Variants in PLEKHH1 observed in about 807,000 individuals in gnomAD.
PLEKHH1 encodes pleckstrin homology, MyTH4 and FERM domain containing H1.
A neutral mutation model predicts 160.0 loss-of-function variants in PLEKHH1; 104 were observed. That is an observed-to-expected ratio of 0.65 (90% CI 0.55 to 0.76). The LOEUF is 0.76. Among genes scored for constraint, PLEKHH1 ranks in the 30% least tolerant of loss-of-function variants. PLEKHH1 has a pLI of 0.00. For missense variants in PLEKHH1, 1,427 were observed against 1,724.1 expected, an observed-to-expected ratio of 0.83 and a Z score of 3.05; for synonymous variants, 619 against 678.4, an observed-to-expected ratio of 0.91 and a Z score of 1.36.
chr14:67,574,213 G>T lies in PLEKHH1; in HGVS notation c.1927-29G>T. On this transcript the variant is annotated intron_variant, in intron 13 of 28. Transcript: ENST00000329153. This position sits in a 1 kb window ranked among gnomAD's most constrained non-coding sequence, Gnocchi z 4.2. ...GGTTACTCCATTCTCCCAGCGTGCT[G>T]CCCCACCCCCATATCTCGCCCTCCA... is the stretch of plus-strand genomic sequence containing the variant. The T allele has an allele frequency of 6.4e-7, 1 of 1,556,858 alleles. No individual in the cohort carries two copies.
At chr14:67,568,011 G>A (rs2035188463) in intron 7 of PLEKHH1, among the ~76,000 whole-genome samples, 1 of 152,168 alleles carries the variant, frequency 6.6e-6, no homozygotes, top group Non-Finnish European at 1.5e-5. Context: ...CCTCAGGACG[G>A]GCATTCTCCC....
rs1222215796 is a variant in PLEKHH1 at position 67,575,386 on chromosome 14, T to G, written c.2089-6T>G. 4 of 1,584,346 alleles carry G rather than the reference T, an allele frequency of 2.5e-6. No homozygotes were observed. Among genetic ancestry groups the G allele is most frequent in the Non-Finnish European group, 3.5e-6 (4 of 1,157,508 alleles). The stretch of plus-strand genomic sequence containing the variant: ...CTCATAATGCCAGTTCATTTCTGTC[T>G]TACAGGTAAAGCATGGCCACTCCAA... On this transcript the variant is annotated splice_region_variant and splice_polypyrimidine_tract_variant and intron_variant, in intron 14 of 28. Transcript: ENST00000329153.
rs1300959878 is a variant in PLEKHH1, at chr14:67,587,161, C to G, written c.4021C>G (p.Gln1341Glu). The G allele has an allele frequency of 6.8e-6, 11 of 1,613,846 alleles. No individual in the cohort carries two copies. The highest frequency in any genetic ancestry group is 8.5e-6 in the Non-Finnish European group (10 of 1,179,878). Reference sequence around the variant, plus strand: ...CCCCACCAACCCACCCGGAGCCTGCCAGCTGTGGGAACTGGATGGACGACA... The same window carrying G: ...CCCCACCAACCCACCCGGAGCCTGCGAGCTGTGGGAACTGGATGGACGACA... ...NPPTNPPGAC[Q>E]LWELDGRQFF... Residue 1341 changes from glutamine (Q) to glutamate (E), a missense_variant, in exon 29 of 29, where the codon CAG becomes GAG. Transcript: ENST00000329153.
At chr14:67,563,490 A>G (rs958558561) in intron 7 of PLEKHH1, among the ~76,000 whole-genome samples, 10 of 151,066 alleles carry the variant, frequency 6.6e-5, no homozygotes, top group Non-Finnish European at 1.3e-4. Flanking sequence ...CTGGAGTGCA[A>G]TAGCATGATC....
chr14:67,587,217 G>A lies in PLEKHH1; in HGVS notation c.4077G>A (p.Lys1359=). 1 of 1,613,856 alleles carries A rather than the reference G, an allele frequency of 6.2e-7. No individual in the cohort carries two copies. The highest frequency in any genetic ancestry group is 8.5e-7 in the Non-Finnish European group (1 of 1,179,826). Residue 1359 remains lysine (K), a synonymous_variant, in exon 29 of 29, where the codon AAG becomes AAA. Transcript: ENST00000329153. ...TTTCTTCTGTTTCCTGTGCTACCAA[G>A]GGGCCAACGTTGCTGTGAATATTTC... ...QFFSSVSCAT[K]GPTLL
intron 28 of PLEKHH1, chr14:67,586,500 T>C: frequency 1.0e-6 from 1 of 977,126 alleles, no homozygotes; most frequent in East Asian, 5.9e-5. Context: ...CAACATTAGC[T>C]ACAAAGTGGG....
intron 7 of PLEKHH1, among the ~76,000 whole-genome samples, chr14:67,563,280 C>G (rs761172502): frequency 6.6e-6 from 1 of 152,194 alleles, no homozygotes; most frequent in Admixed American, 6.5e-5. Context: ...GTTACTGAAC[C>G]TCTGTGCCTC....
In PLEKHH1 at chr14:67,568,157, A is replaced by G. The variant is rs576546210; in HGVS notation, c.1264-981A>G. Among the ~76,000 whole-genome samples, 9 of 152,232 alleles carry G rather than the reference A, an allele frequency of 5.9e-5. No individual in the cohort carries two copies. In the South Asian group the frequency reaches 1.9e-3, roughly 32 times the overall value. On this transcript the variant is annotated intron_variant, in intron 7 of 28. Transcript: ENST00000329153. Reference sequence around the variant, plus strand: ...CCCTAAGTTCCCACATATGTTCATCACAGCACTACTCACAATAGCAAAGAC... The same window carrying G: ...CCCTAAGTTCCCACATATGTTCATCGCAGCACTACTCACAATAGCAAAGAC...
intron 1 of PLEKHH1, among the ~76,000 whole-genome samples, chr14:67,538,712 G>A (rs1363037491): frequency 6.6e-6 from 1 of 152,146 alleles, no homozygotes; most frequent in Non-Finnish European, 1.5e-5. Flanking sequence ...GGCAAGCCAA[G>A]CACGAGTCCC....
chr14:67,587,137 C>A lies in PLEKHH1; in HGVS notation c.3997C>A (p.Pro1333Thr), dbSNP rs751134271. 1.2e-6 allele frequency: 2 copies of A among 1,613,826 alleles called. No homozygotes were observed. Among genetic ancestry groups the A allele is most frequent in the South Asian group, 1.1e-5 (1 of 91,080 alleles). ...CCATTGCACTACAACTGTGAACCCC[C>A]CCACCAACCCACCCGGAGCCTGCCA... ...MNHCTTTVNP[P>T]TNPPGACQLW... Residue 1333 changes from proline (P) to threonine (T), a missense_variant, in exon 29 of 29, where the codon CCC (proline) becomes ACC (threonine). By Grantham distance (38) the Pro-to-Thr change is conservative. Transcript: ENST00000329153.
intron 22 of PLEKHH1, chr14:67,580,134 A>C (rs2035823821): frequency 4.9e-6 from 2 of 407,204 alleles, no homozygotes; most frequent in South Asian, 6.5e-5. Flanking sequence ...CGTCCAGAAG[A>C]AAAGCCTCTT....
At chr14:67,536,540 C>T (rs992574869) in intron 1 of PLEKHH1, among the ~76,000 whole-genome samples, 2 of 151,810 alleles carry the variant, frequency 1.3e-5, no homozygotes, top group Non-Finnish European at 2.9e-5. Context: ...CTCCTGCATC[C>T]TCCACAAGAT....
intron 2 of PLEKHH1, among the ~76,000 whole-genome samples, chr14:67,551,549 G>T (rs2034391668): frequency 6.6e-6 from 1 of 152,118 alleles, no homozygotes. Flanking sequence ...AGTCAGTGAG[G>T]TTCCACTGCC....
chr14:67,562,145 A>C lies in PLEKHH1; in HGVS notation c.514A>C (p.Ile172Leu). Reference sequence around the variant, plus strand: ...TTTTACCCGAATCACAGCTATTCAGATAGCTCCTTCACGGAAGCTGCTGGT... The same window carrying C: ...TTTTACCCGAATCACAGCTATTCAGCTAGCTCCTTCACGGAAGCTGCTGGT... The part of the protein sequence containing the change: ...SLQDALEAIQ[I>L]APSRKLLVPP... Residue 172 changes from isoleucine to leucine, a missense_variant, in exon 7 of 29, where the codon ATA becomes CTA. Transcript: ENST00000329153. 6.2e-7 allele frequency: 1 copy of C among 1,611,574 alleles called. No homozygotes were observed. Among genetic ancestry groups the C allele is most frequent in the Non-Finnish European group, 8.5e-7 (1 of 1,178,316 alleles).
chr14:67,535,172 T>G (rs1026810525), intron 1 of PLEKHH1, among the ~76,000 whole-genome samples: 17 of 152,216 alleles, frequency 1.1e-4, no homozygotes, highest in Non-Finnish European at 2.1e-4. Context: ...TGCCTGTAGA[T>G]GCTCTGAATA....
At position 67,574,579 on chromosome 14, in the gene PLEKHH1, C is replaced by T. The variant is rs1015822285; in HGVS notation, c.2088+176C>T. 1.3e-5 allele frequency among the ~76,000 whole-genome samples: 2 copies of T among 152,144 alleles called. No individual in the cohort carries two copies. Among genetic ancestry groups the T allele is most frequent in the African/African-American group, 2.4e-5 (1 of 41,424 alleles). Reference sequence around the variant, plus strand: ...GTGGTCTGGCCACACAAGGTGATGGCGAGTGATTCCCCGGAAACAAATCAG... The same window carrying T: ...GTGGTCTGGCCACACAAGGTGATGGTGAGTGATTCCCCGGAAACAAATCAG... On this transcript the variant is annotated intron_variant, in intron 14 of 28. Coordinates refer to ENST00000329153, the MANE Select transcript of PLEKHH1 (RefSeq NM_020715.3). This position sits in a 1 kb window ranked among gnomAD's most constrained non-coding sequence, Gnocchi z 4.2.
rs1181105406 is a variant in PLEKHH1 at position 67,573,203 on chromosome 14, A to T, written c.1729-73A>T. 5.5e-6 allele frequency: 5 copies of T among 907,052 alleles called. No individual in the cohort carries two copies. Among genetic ancestry groups the T allele is most frequent in the Non-Finnish European group, 7.3e-6 (4 of 550,272 alleles). The allele number at this position is 907,052 out of a possible 1,614,324, so 56.2% of individuals were successfully genotyped here. ...GACCGAGTAGTGAGGCAGCTGGACC[A>T]CTTGGACCTGTGTGATGTCTAGGAG... On this transcript the variant is annotated intron_variant, in intron 11 of 28. Transcript: ENST00000329153. This position sits in a 1 kb window ranked among gnomAD's most constrained non-coding sequence, Gnocchi z 4.8.
chr14:67,549,513 C>T (rs945774462), intron 2 of PLEKHH1, among the ~76,000 whole-genome samples: 2 of 152,036 alleles, frequency 1.3e-5, no homozygotes, highest in Non-Finnish European at 2.9e-5. Flanking sequence ...TCAAGTGATC[C>T]GCCTGCCTCG....
intron 28 of PLEKHH1, chr14:67,586,777 C>CAT (rs2036185583): frequency 7.4e-7 from 1 of 1,355,726 alleles, no homozygotes; most frequent in African/African-American, 1.5e-5. Flanking sequence ...TCTCCAGATC[C>CAT]CTTTCTTAAG....
Sources: allele counts gnomAD v4.1 joint callset (sites outside exome capture counted in the v4.1 genomes callset), GRCh38; gene constraint gnomAD v4.1.1; non-coding constraint Gnocchi (gnomAD v3.1); transcripts MANE v1.5; gene names NCBI Gene and HGNC (gene_info 2026-07-23, HGNC 2026-07-21).